The following FGD6 variants were observed in gnomAD, a reference collection of about 807,000 sequenced individuals.
The protein encoded by FGD6 is FYVE, RhoGEF and PH domain-containing protein 6.
In FGD6, 90 loss-of-function variants were observed where a neutral mutation model predicts 149.4. That is an observed-to-expected ratio of 0.60 (90% CI 0.51 to 0.72). FGD6 has a LOEUF of 0.72. Ranked by LOEUF, FGD6 falls within the 30% of genes least tolerant of loss-of-function variation. The probability of loss-of-function intolerance (pLI) is 0.00; values close to 1 mark genes in which losing one functional copy is unlikely to be tolerated. For missense variants in FGD6, 1,437 were observed against 1,684.8 expected, an observed-to-expected ratio of 0.85 and a Z score of 2.57; for synonymous variants, 527 against 584.0, an observed-to-expected ratio of 0.90 and a Z score of 1.41.
chr12:95,172,726 C>T lies in FGD6; in HGVS notation c.2460G>A (p.Glu820=). The part of the protein sequence containing the change: ...HQHSSSGASQ[E]EQNDLGLGDL... ...CACCAAGACCAAGATCATTCTGTTC[C>T]TCCTGGGATGCTCCTGAACTGCATT... The change falls in exon 3 of 21, where the codon GAG becomes GAA. Residue 820 remains glutamate, a synonymous_variant. Coordinates refer to ENST00000343958, the MANE Select transcript of FGD6 (RefSeq NM_018351.4). The T allele has an allele frequency of 6.2e-7, 1 of 1,610,700 alleles. No individual in the cohort carries two copies. Among genetic ancestry groups the T allele is most frequent in the Non-Finnish European group, 8.5e-7 (1 of 1,178,038 alleles).
At chr12:95,174,721 G>A (rs1881080433) in intron 2 of FGD6, among the ~76,000 whole-genome samples, 1 of 152,098 alleles carries the variant, frequency 6.6e-6, no homozygotes, top group Non-Finnish European at 1.5e-5. Flanking sequence ...GAGGTCAGGA[G>A]ATCGAGACCA....
intron 19 of FGD6, 113 bp from the exon 20 acceptor site, chr12:95,084,759 T>C: frequency 1.2e-6 from 1 of 857,752 alleles, no homozygotes; most frequent in Non-Finnish European, 1.6e-6. Context: ...ACATATAAGG[T>C]AATGATAATT....
chr12:95,195,038 C>T (rs566570200), intron 2 of FGD6, among the ~76,000 whole-genome samples: 8 of 152,202 alleles, frequency 5.3e-5, no homozygotes, highest in African/African-American at 1.2e-4. Flanking sequence ...AGGACATAAT[C>T]GGAGGTAATT....
intron 2 of FGD6, among the ~76,000 whole-genome samples, chr12:95,176,113 G>C (rs905628075): frequency 1.3e-5 from 2 of 151,618 alleles, no homozygotes; most frequent in Non-Finnish European, 2.9e-5. Flanking sequence ...TTATTTTTTT[G>C]AAAAAATAGA....
In FGD6 at chr12:95,081,520, C is replaced by T; in HGVS notation, c.4293G>A (p.Ter1431=). 1 of 1,600,794 alleles carries T rather than the reference C, an allele frequency of 6.2e-7. No homozygotes were observed. The highest frequency in any genetic ancestry group is 1.1e-5 in the South Asian group (1 of 88,338). Residue 1431 remains the stop codon, a stop_retained_variant, in exon 21 of 21, where the codon TAG becomes TAA. Coordinates refer to ENST00000343958, the MANE Select transcript of FGD6 (RefSeq NM_018351.4). ...CACAGAAGAGATGAAACCAATACTG[C>T]TACAATATTGTGCCTTCCTGAAATG... ...IEAFQEGTIL[*]
intron 14 of FGD6, among the ~76,000 whole-genome samples, chr12:95,096,809 C>G (rs1417603249): frequency 6.6e-6 from 1 of 152,200 alleles, no homozygotes; most frequent in Admixed American, 6.5e-5. Flanking sequence ...CTCTCACCAC[C>G]AGGTCATTGC....
rs761638151 is a variant in FGD6, at chr12:95,210,039, T to C, written c.1245A>G (p.Ala415=). 6.2e-7 allele frequency: 1 copy of C among 1,614,032 alleles called. No individual in the cohort carries two copies. Among genetic ancestry groups the C allele is most frequent in the Admixed American group, 1.7e-5 (1 of 59,970 alleles). ...CNETTSFEKM[A]PSFDKDSNLS... is the part of the protein sequence containing the mutation. ...AATTAGAGTCTTTATCAAAAGAAGG[T>C]GCCATTTTTTCAAAGGAAGTTGTTT... Residue 415 remains alanine (A), a synonymous_variant, in exon 2 of 21, where the codon GCA becomes GCG. Coordinates refer to ENST00000343958, the MANE Select transcript of FGD6 (RefSeq NM_018351.4).
At chr12:95,185,325 G>A (rs768221933) in intron 2 of FGD6, among the ~76,000 whole-genome samples, 13 of 152,138 alleles carry the variant, frequency 8.5e-5, no homozygotes, top group Non-Finnish European at 1.6e-4. Context: ...CGAGAGTCAG[G>A]GAAAATGGAA....
intron 14 of FGD6, among the ~76,000 whole-genome samples, chr12:95,099,917 A>C (rs1369989111): frequency 6.6e-6 from 1 of 151,660 alleles, no homozygotes; most frequent in African/African-American, 2.4e-5. Context: ...ACTAGGCTCT[A>C]CCTATATTGG....
intron 2 of FGD6, among the ~76,000 whole-genome samples, chr12:95,206,100 C>T (rs1388554833): frequency 6.6e-6 from 1 of 152,032 alleles, no homozygotes; most frequent in Non-Finnish European, 1.5e-5. Context: ...AAAACAAGCT[C>T]CAGGATTGGC....
At chr12:95,094,563 GAA>G (rs55905327) in intron 15 of FGD6, 27 bp downstream of exon 15, 10,843 of 1,222,226 alleles carry the variant, frequency 8.9e-3, no homozygotes, top group South Asian at 0.015. Flanking sequence ...AAATGCACTG[GAA>G]AAAAAAAAAA....
rs1289775454 is a variant in FGD6, at chr12:95,081,401, A to C, written c.*119T>G. 4.4e-6 allele frequency: 3 copies of C among 688,116 alleles called. No homozygotes were observed. The highest frequency in any genetic ancestry group is 1.9e-5 in the African/African-American group (1 of 53,922). The allele number at this position is 688,116 out of a possible 1,614,324, so 42.6% of individuals were successfully genotyped here. A position where few individuals can be genotyped will look rare whatever the true frequency, so the allele number is the denominator to read the frequency against. On this transcript the variant is annotated 3_prime_UTR_variant, in exon 21 of 21. Transcript: ENST00000343958. Reference sequence around the variant, plus strand: ...CCTAACAAAACAATTTCTTTGATGAAGGGTCTGGTTGGCTTTATCTTGGCA... The same window carrying C: ...CCTAACAAAACAATTTCTTTGATGACGGGTCTGGTTGGCTTTATCTTGGCA...
At chr12:95,213,172 T>C (rs1039606631) in intron 1 of FGD6, among the ~76,000 whole-genome samples, 1 of 152,222 alleles carries the variant, frequency 6.6e-6, no homozygotes, top group Non-Finnish European at 1.5e-5. Flanking sequence ...ATGAATGCCT[T>C]AGGCCTCTTC....
intron 19 of FGD6, among the ~76,000 whole-genome samples, chr12:95,084,926 T>C (rs914838514): frequency 3.9e-5 from 6 of 152,284 alleles, no homozygotes; most frequent in South Asian, 2.1e-4. Context: ...AGGCACGTGA[T>C]TATATTACTT....
chr12:95,131,810 T>G (rs1178851125), intron 8 of FGD6, among the ~76,000 whole-genome samples: 1 of 152,122 alleles, frequency 6.6e-6, no homozygotes, highest in East Asian at 1.9e-4. Flanking sequence ...AAAGCCGAGG[T>G]GGGCAGATCA....
chr12:95,100,361 A>G (rs1328708039), intron 14 of FGD6, among the ~76,000 whole-genome samples: 1 of 152,122 alleles, frequency 6.6e-6, no homozygotes, highest in Non-Finnish European at 1.5e-5. Context: ...ACTTTCTCTC[A>G]TCACTAAAGT....
At position 95,210,600 on chromosome 12, in the gene FGD6, G is replaced by A; in HGVS notation, c.684C>T (p.Ser228=). 3.1e-6 allele frequency: 5 copies of A among 1,614,156 alleles called. No homozygotes were observed. In the South Asian group the frequency reaches 4.4e-5, roughly 14 times the overall value. The change falls in exon 2 of 21, where the codon TCC becomes TCT. Residue 228 remains serine (S), a synonymous_variant. Transcript: ENST00000343958. ...FRIEFADLSP[S]PSSFEKVPDH... ...CAGGAACTTTTTCAAAGCTGGATGG[G>A]GAAGGTGACAAATCCGCAAATTCAA...
chr12:95,137,807 A>C, intron 6 of FGD6, 129 bp from the exon 7 acceptor site: 1 of 581,306 alleles, frequency 1.7e-6, no homozygotes, highest in Non-Finnish European at 2.7e-6. Flanking sequence ...ATACCTCAAA[A>C]TGCCTACTTT....
Position 95,152,946 on chromosome 12 carries a change from C to T in FGD6, c.2634G>A (p.Glu878=). 6.2e-7 allele frequency: 1 copy of T among 1,614,046 alleles called. No individual in the cohort carries two copies. Among genetic ancestry groups the T allele is most frequent in the Non-Finnish European group, 8.5e-7 (1 of 1,179,980 alleles). ...CCTACACTTTCTCTGAGCTCATGAT[C>T]TCCTTGGCAATATGATGAACTTTAC... ...MKSKVHHIAK[E]IMSSEKVFVD... Residue 878 remains glutamate (E), a synonymous_variant, in exon 4 of 21, where the codon GAG becomes GAA. Transcript: ENST00000343958.
Sources: allele counts gnomAD v4.1 joint callset (sites outside exome capture counted in the v4.1 genomes callset), GRCh38; gene constraint gnomAD v4.1.1; transcripts MANE v1.5; gene names NCBI Gene and HGNC (gene_info 2026-07-23, HGNC 2026-07-21).